GABRB1: variants seen among roughly 807,000 people sequenced by gnomAD.
GABRB1 encodes gamma-aminobutyric acid type A receptor subunit beta1.
A neutral mutation model predicts 51.6 loss-of-function variants in GABRB1; 17 were observed. The ratio of observed to expected loss-of-function variants is 0.33; its 90% CI spans 0.23 to 0.49. GABRB1 has a LOEUF of 0.49. Among genes scored for constraint, GABRB1 ranks in the 20% least tolerant of loss-of-function variants. The pLI, the probability that GABRB1 is intolerant of heterozygous loss-of-function variation, is 0.99. For synonymous variants in GABRB1, 247 were observed against 218.9 expected, an observed-to-expected ratio of 1.13 and a Z score of -1.14; for missense variants, 410 against 600.6, an observed-to-expected ratio of 0.68 and a Z score of 3.32.
At chr4:47,156,335 T>G (rs1711604723) in intron 3 of GABRB1, among the ~76,000 whole-genome samples, 1 of 152,076 alleles carries the variant, frequency 6.6e-6, no homozygotes, top group African/African-American at 2.4e-5. Flanking sequence ...AAGAGATATT[T>G]TCATGTAATG....
rs1716588765 is a variant in GABRB1, at chr4:47,135,171, C to T, written c.241-26078C>T. The stretch of plus-strand genomic sequence containing the variant: ...GATAAAGTAGTAAAATATTTTCTTC[C>T]TGGAAAAACTGGAGCATGACTTGGA... On this transcript the variant is annotated intron_variant, in intron 3 of 8. Coordinates refer to ENST00000295454, the MANE Select transcript of GABRB1 (RefSeq NM_000812.4). Among the ~76,000 whole-genome samples, 3 of 151,972 alleles carry T rather than the reference C, an allele frequency of 2.0e-5. No homozygotes were observed. In the South Asian group the frequency reaches 6.3e-4, roughly 32 times the overall value.
At chr4:46,999,986 A>T (rs1289421263) in intron 1 of GABRB1, among the ~76,000 whole-genome samples, 1 of 152,160 alleles carries the variant, frequency 6.6e-6, no homozygotes, top group Admixed American at 6.5e-5. Flanking sequence ...ACTTTTTCTA[A>T]TAAAATTACT....
chr4:47,305,572 T>C (rs142351810), intron 4 of GABRB1, among the ~76,000 whole-genome samples: 3,833 of 152,238 alleles, frequency 0.025, 58 homozygotes, highest in South Asian at 0.042. Flanking sequence ...ATGGGGTACT[T>C]ACCATCTGTT....
intron 5 of GABRB1, among the ~76,000 whole-genome samples, chr4:47,353,280 A>G (rs562540621): frequency 6.6e-6 from 1 of 152,298 alleles, no homozygotes; most frequent in South Asian, 2.1e-4. Flanking sequence ...TACAAAGTGT[A>G]ATGAATTTCA....
chr4:47,297,363 A>C (rs1189534513), intron 4 of GABRB1, among the ~76,000 whole-genome samples: 13 of 112,434 alleles, frequency 1.2e-4, no homozygotes, highest in African/African-American at 4.5e-4. Context: ...GACCGCTAGC[A>C]AGACTAATAA....
At chr4:47,381,232 A>G (rs748963831) in intron 5 of GABRB1, among the ~76,000 whole-genome samples, 6 of 152,138 alleles carry the variant, frequency 3.9e-5, no homozygotes, top group Non-Finnish European at 7.4e-5. Context: ...GTCCTGGGCC[A>G]GCCTCTAACT....
chr4:47,317,412 T>C (rs1724932072), intron 4 of GABRB1, among the ~76,000 whole-genome samples: 2 of 151,954 alleles, frequency 1.3e-5, no homozygotes, highest in Admixed American at 6.6e-5. Context: ...TAATATTTAT[T>C]GTGGGTGTTT....
intron 4 of GABRB1, among the ~76,000 whole-genome samples, chr4:47,264,160 C>CA (rs978577325): frequency 2.0e-5 from 3 of 151,806 alleles, no homozygotes; most frequent in Non-Finnish European, 2.9e-5. Flanking sequence ...AAGAAACAAA[C>CA]AAAAAAACAA....
intron 5 of GABRB1, among the ~76,000 whole-genome samples, chr4:47,350,057 G>T (rs111820028): frequency 6.6e-6 from 1 of 151,624 alleles, no homozygotes. Flanking sequence ...AAAACCTTTA[G>T]CAAAGTGACT....
At chr4:47,230,585 T>A (rs1194694823) in intron 4 of GABRB1, among the ~76,000 whole-genome samples, 1 of 152,172 alleles carries the variant, frequency 6.6e-6, no homozygotes, top group Non-Finnish European at 1.5e-5. Context: ...TGTGCAGTGC[T>A]GTGGGACAAG....
intron 5 of GABRB1, among the ~76,000 whole-genome samples, chr4:47,392,126 G>T (rs972230610): frequency 2.0e-5 from 3 of 151,650 alleles, no homozygotes; most frequent in African/African-American, 7.3e-5. Flanking sequence ...GGAGAAGAGT[G>T]CTAAACGGGC....
intron 5 of GABRB1, among the ~76,000 whole-genome samples, chr4:47,344,929 G>A (rs1018821478): frequency 6.6e-6 from 1 of 151,992 alleles, no homozygotes; most frequent in Admixed American, 6.6e-5. Context: ...CACCATGTTG[G>A]CTAGGCTGGT....
chr4:47,283,901 G>C (rs865894902), intron 4 of GABRB1, among the ~76,000 whole-genome samples: 1 of 151,888 alleles, frequency 6.6e-6, no homozygotes, highest in South Asian at 2.1e-4. Flanking sequence ...TGCAAAAGAC[G>C]GATTGTCAAG....
intron 3 of GABRB1, among the ~76,000 whole-genome samples, chr4:47,092,811 C>T (rs1459930735): frequency 2.6e-5 from 4 of 151,992 alleles, no homozygotes; most frequent in Admixed American, 2.0e-4. Context: ...GATGTGGTTT[C>T]GCCATCTTGG....
intron 3 of GABRB1, among the ~76,000 whole-genome samples, chr4:47,044,860 C>T (rs377077150): frequency 1.2e-4 from 18 of 151,772 alleles, no homozygotes; most frequent in African/African-American, 4.4e-4. Context: ...AAATAATTTC[C>T]CCCTCTTCCC....
At chr4:47,262,194 G>A (rs527692611) in intron 4 of GABRB1, among the ~76,000 whole-genome samples, 1 of 151,672 alleles carries the variant, frequency 6.6e-6, no homozygotes, top group South Asian at 2.1e-4. Flanking sequence ...TTGACAAATG[G>A]GATCTCATTA....
chr4:47,138,987 A>T (rs765153162), intron 3 of GABRB1, among the ~76,000 whole-genome samples: 11 of 152,060 alleles, frequency 7.2e-5, no homozygotes, highest in African/African-American at 2.4e-4. Flanking sequence ...ATGAAAGTGT[A>T]ACTGTAATAA....
At chr4:47,041,762 T>C (rs1343209399) in intron 3 of GABRB1, among the ~76,000 whole-genome samples, 1 of 152,144 alleles carries the variant, frequency 6.6e-6, no homozygotes, top group African/African-American at 2.4e-5. Flanking sequence ...CTTTGTTGTC[T>C]CCATGGAGAC....
chr4:47,404,956 T>C (rs1032882981), intron 7 of GABRB1, among the ~76,000 whole-genome samples: 4 of 152,216 alleles, frequency 2.6e-5, no homozygotes, highest in Admixed American at 2.6e-4. Context: ...AAGGTGCTTG[T>C]TTAAGCTATT....
Sources: allele counts gnomAD v4.1 joint callset (sites outside exome capture counted in the v4.1 genomes callset), GRCh38; gene constraint gnomAD v4.1.1; transcripts MANE v1.5; gene names NCBI Gene and HGNC (gene_info 2026-07-23, HGNC 2026-07-21).